Variants in SBNO2 observed in about 807,000 individuals in gnomAD.
SBNO2 encodes strawberry notch homolog 2, also known as protein strawberry notch homolog 2.
SBNO2 carries 89 observed loss-of-function variants against 146.3 expected under a neutral mutation model. The ratio of observed to expected loss-of-function variants is 0.61; its 90% confidence interval spans 0.51 to 0.73. The LOEUF is 0.73. Among genes scored for constraint, SBNO2 ranks in the 30% least tolerant of loss-of-function variants. SBNO2 has a pLI of 0.00. For missense variants in SBNO2, 2,092 were observed against 2,003.7 expected (o/e 1.04, Z -0.84); for synonymous variants, 1,147 against 892.6 (o/e 1.29, Z -5.08).
Position 1,110,909 on chromosome 19 carries a change from G to A in SBNO2, c.2885-21C>T. The A allele has an allele frequency of 6.2e-7, 1 of 1,612,300 alleles. No individual in the cohort carries two copies. Among genetic ancestry groups the A allele is most frequent in the African/African-American group, 1.3e-5 (1 of 75,008 alleles). ...ACAGTCTGGTAGGGGAGGGAGCCAA[G>A]CCTCAGGCTGCGCTGGGAATCCCTC... On this transcript the variant is annotated intron_variant, in intron 25 of 31. Transcript: ENST00000361757. This position sits in a 1 kb window ranked among gnomAD's most constrained non-coding sequence, Gnocchi z 4.9.
At chr19:1,171,765 G>A (rs1253472668) in intron 1 of SBNO2, among the ~76,000 whole-genome samples, 1 of 148,260 alleles carries the variant, frequency 6.7e-6, no homozygotes, top group Non-Finnish European at 1.5e-5. Context: ...CAGCAAGTGG[G>A]TGGGGGGTCT....
At chr19:1,132,314 C>G in intron 4 of SBNO2, 5 of 1,298,222 alleles carry the variant, frequency 3.9e-6, no homozygotes, top group Non-Finnish European at 4.9e-6. Context: ...CCTCTAAGGC[C>G]GGGGCTGACT....
In SBNO2 at chr19:1,160,461, G is replaced by A. The variant is rs558757231; in HGVS notation, c.-126-6059C>T. The stretch of plus-strand genomic sequence containing the variant: ...AGTGCCTGGTGGACACCCCCGAAGG[G>A]CAGTGGGGAGACCCGGGGGAGGACG... On this transcript the variant is annotated intron_variant, in intron 1 of 31. Coordinates refer to ENST00000361757, the MANE Select transcript of SBNO2 (RefSeq NM_014963.3). Among the ~76,000 whole-genome samples the A allele has an allele frequency of 2.8e-3, 434 of 152,324 alleles. 2 individuals carry two copies. The highest frequency in any genetic ancestry group is 0.01 in the African/African-American group (420 of 41,570).
chr19:1,108,206 C>T lies in SBNO2; in HGVS notation c.*14G>A, dbSNP rs1188377210. ...GGTCCCTGTGTCTTGGGGCATGTTT[C>T]GCCTAAAGGCGTGTCAGAGAGGAGC... On this transcript the variant is annotated 3_prime_UTR_variant, in exon 32 of 32. Coordinates refer to ENST00000361757, the MANE Select transcript of SBNO2 (RefSeq NM_014963.3). 2.0e-6 allele frequency: 3 copies of T among 1,524,076 alleles called. No individual in the cohort carries two copies. Among genetic ancestry groups the T allele is most frequent in the East Asian group, 5.3e-5 (2 of 37,926 alleles). 94.4% of individuals were successfully genotyped at this position (1,524,076 alleles called of 1,614,324 possible). A position where few individuals can be genotyped will look rare whatever the true frequency, so the allele number is the denominator to read the frequency against.
chr19:1,155,722 C>T (rs1399471218), intron 1 of SBNO2, among the ~76,000 whole-genome samples: 2 of 152,172 alleles, frequency 1.3e-5, no homozygotes, highest in Non-Finnish European at 2.9e-5. Flanking sequence ...GAGCCTGGGA[C>T]CCCCCGACCC....
At chr19:1,153,560 G>A (rs1435961730) in intron 2 of SBNO2, among the ~76,000 whole-genome samples, 2 of 149,350 alleles carry the variant, frequency 1.3e-5, no homozygotes, top group Non-Finnish European at 3.0e-5. Flanking sequence ...TTTTTGAGAT[G>A]GAGTCTCACT....
chr19:1,138,142 G>A (rs2080101288), intron 4 of SBNO2, among the ~76,000 whole-genome samples: 1 of 41,934 alleles, frequency 2.4e-5, no homozygotes, highest in African/African-American at 1.1e-4. Flanking sequence ...GGGCTGGGGT[G>A]CAGTGGGGGG....
intron 4 of SBNO2, among the ~76,000 whole-genome samples, chr19:1,131,269 G>A (rs971708599): frequency 6.6e-6 from 1 of 152,200 alleles, no homozygotes; most frequent in Non-Finnish European, 1.5e-5. Flanking sequence ...TCTGCAGTCT[G>A]TAGTGAGGGC....
intron 5 of SBNO2, among the ~76,000 whole-genome samples, chr19:1,124,643 G>C (rs1327415536): frequency 6.6e-6 from 1 of 152,210 alleles, no homozygotes; most frequent in African/African-American, 2.4e-5. Context: ...TCCTCTGTGA[G>C]AGATGGGGCA....
At chr19:1,168,154 A>C (rs911132539) in intron 1 of SBNO2, among the ~76,000 whole-genome samples, 1 of 152,084 alleles carries the variant, frequency 6.6e-6, no homozygotes, top group Non-Finnish European at 1.5e-5. Context: ...CTGGTGTTCC[A>C]AAGTCGGCAA....
At chr19:1,152,051 T>G (rs1158922206) in intron 2 of SBNO2, among the ~76,000 whole-genome samples, 3 of 152,172 alleles carry the variant, frequency 2.0e-5, no homozygotes, top group Non-Finnish European at 4.4e-5. Flanking sequence ...CCCAGAGGTG[T>G]CCATGACGTA....
intron 4 of SBNO2, among the ~76,000 whole-genome samples, chr19:1,132,532 G>A (rs2080043010): frequency 6.6e-6 from 1 of 152,312 alleles, no homozygotes; most frequent in Non-Finnish European, 1.5e-5. Flanking sequence ...GCAGGGAGCT[G>A]GGTTCCGTTC....
chr19:1,127,094 G>A (rs1042794572), intron 5 of SBNO2, among the ~76,000 whole-genome samples: 3 of 147,484 alleles, frequency 2.0e-5, no homozygotes, highest in Non-Finnish European at 2.9e-5. Flanking sequence ...GCGGGGACAC[G>A]GCCACTGCTG....
At position 1,108,449 on chromosome 19, in the gene SBNO2, A is replaced by C; in HGVS notation, c.3872T>G (p.Leu1291Arg). 1 of 1,237,650 alleles carries C rather than the reference A, an allele frequency of 8.1e-7. No individual in the cohort carries two copies. The highest frequency in any genetic ancestry group is 4.0e-5 in the East Asian group (1 of 25,298). 76.7% of individuals were successfully genotyped at this position (1,237,650 alleles called of 1,614,324 possible). The change falls in exon 32 of 32, where the codon CTG (leucine) becomes CGG (arginine). Residue 1291 changes from leucine to arginine, a missense_variant. Coordinates refer to ENST00000361757, the MANE Select transcript of SBNO2 (RefSeq NM_014963.3). ...GTCGGCCTGGGCGTCGGGGGTGCCCAGCGGCACGACGCCGGGGCCGGCGTC... is the reference window on the plus strand; with the variant it reads ...GTCGGCCTGGGCGTCGGGGGTGCCCCGCGGCACGACGCCGGGGCCGGCGTC... The part of the protein sequence containing the change: ...SLDAGPGVVP[L>R]GTPDAQADPA...
rs181029918 is a variant in SBNO2 at position 1,119,005 on chromosome 19, G to C, written c.1527+6C>G. On this transcript the variant is annotated splice_donor_region_variant and intron_variant, in intron 14 of 31. Coordinates refer to ENST00000361757, the MANE Select transcript of SBNO2 (RefSeq NM_014963.3). Reference sequence around the variant, plus strand: ...AGGGGTCCCCGGGTCGGGTGCGCAGGCTCACCAGCAGGGCCGCGCGGTTGT... The same window carrying C: ...AGGGGTCCCCGGGTCGGGTGCGCAGCCTCACCAGCAGGGCCGCGCGGTTGT... 59 of 1,579,786 alleles carry C rather than the reference G, an allele frequency of 3.7e-5. 1 individual carries two copies. The Middle Eastern group carries it at 5.0e-4, about 13-fold the overall frequency.
chr19:1,147,832 G>A (rs1031917081), intron 3 of SBNO2, among the ~76,000 whole-genome samples: 10 of 152,126 alleles, frequency 6.6e-5, no homozygotes, highest in East Asian at 1.9e-4. Context: ...GGAGGAGAGC[G>A]CTACGGGCAG....
intron 1 of SBNO2, among the ~76,000 whole-genome samples, chr19:1,165,503 T>C (rs1371863395): frequency 1.3e-5 from 2 of 152,102 alleles, no homozygotes; most frequent in African/African-American, 4.8e-5. Context: ...CCCGTACCCT[T>C]GGACAGAGCA....
chr19:1,143,027 C>T (rs1350387179), intron 4 of SBNO2, among the ~76,000 whole-genome samples: 1 of 152,170 alleles, frequency 6.6e-6, no homozygotes, highest in East Asian at 1.9e-4. Flanking sequence ...TTCACCCTCA[C>T]TCCCAGCCCA....
intron 1 of SBNO2, among the ~76,000 whole-genome samples, chr19:1,167,531 C>T (rs1003742603): frequency 1.3e-5 from 2 of 152,246 alleles, no homozygotes; most frequent in Admixed American, 6.5e-5. Flanking sequence ...CCCCATCACG[C>T]CATCCCTCCC....
Sources: gnomAD v4.1 joint callset for allele counts (sites outside exome capture counted in the v4.1 genomes callset) on GRCh38, gnomAD v4.1.1 for gene constraint, Gnocchi (gnomAD v3.1) non-coding constraint, MANE v1.5 for transcripts, NCBI Gene and HGNC (gene_info 2026-07-23, HGNC 2026-07-21) for gene names.